EEF2K: variants seen among roughly 807,000 people sequenced by gnomAD.
The protein encoded by EEF2K is eukaryotic elongation factor 2 kinase, also known as alternative protein EEF2K.
A neutral mutation model predicts 93.8 loss-of-function variants in EEF2K; 70 were observed. The observed-to-expected ratio is 0.75, with a 90% CI of 0.62 to 0.91. The LOEUF is 0.91. Among genes scored for constraint, EEF2K ranks in the 40% least tolerant of loss-of-function variants. The pLI, the probability that EEF2K is intolerant of heterozygous loss-of-function variation, is 0.00. For synonymous variants in EEF2K, 376 were observed against 380.8 expected (o/e 0.99, Z 0.15); for missense variants, 935 against 972.9 (o/e 0.96, Z 0.52).
intron 5 of EEF2K, among the ~76,000 whole-genome samples, 158 bp from the exon 6 acceptor site, chr16:22,250,993 G>A (rs529460713): frequency 2.0e-5 from 3 of 152,248 alleles, no homozygotes; most frequent in South Asian, 4.1e-4. Flanking sequence ...TTTGAAGGAT[G>A]CAGAGGGGTG....
chr16:22,268,855 G>T (rs2047550436), intron 15 of EEF2K, among the ~76,000 whole-genome samples: 1 of 151,782 alleles, frequency 6.6e-6, no homozygotes, highest in South Asian at 2.1e-4. Context: ...TACTTGGGAG[G>T]CTGAGGCAGG....
intron 4 of EEF2K, 139 bp from the exon 5 acceptor site, chr16:22,250,515 G>A (rs1264860077): frequency 9.1e-6 from 9 of 988,612 alleles, no homozygotes; most frequent in Middle Eastern, 2.1e-4. Flanking sequence ...ATAGAAGGGA[G>A]ATCCCCAGGG....
chr16:22,214,538 A>G lies in EEF2K; in HGVS notation c.-77+7859A>G, dbSNP rs368637307. ...AATTAGCCAGATGTGGGTGGTATGC[A>G]CCTGTAGTCCCAGGTACAATGGAGG... On this transcript the variant is annotated intron_variant, in intron 1 of 17. Coordinates refer to ENST00000263026, the MANE Select transcript of EEF2K (RefSeq NM_013302.5). 7.9e-5 allele frequency among the ~76,000 whole-genome samples: 12 copies of G among 152,150 alleles called. No homozygotes were observed. In the South Asian group the frequency reaches 1.2e-3, roughly 16 times the overall value.
rs139935693 is a variant in EEF2K at position 22,263,110 on chromosome 16, G to A, written c.1300G>A (p.Glu434Lys). ...CCCTAAGGCCGTCTTCTCTCCACAG[G>A]AGTCTGAGAATAGTGGGGACAGCGG... ...RDHDHLDNHRESENSGDSGYP... is the reference protein window; with the variant it reads ...RDHDHLDNHRKSENSGDSGYP... Residue 434 changes from glutamate to lysine, a missense_variant and splice_region_variant, in exon 12 of 18, where the codon GAG (glutamate) becomes AAG (lysine). Coordinates refer to ENST00000263026, the MANE Select transcript of EEF2K (RefSeq NM_013302.5). 46 of 1,611,588 alleles carry A rather than the reference G, an allele frequency of 2.9e-5. No individual in the cohort carries two copies. The highest frequency in any genetic ancestry group is 2.2e-5 in the South Asian group (2 of 90,760).
intron 4 of EEF2K, among the ~76,000 whole-genome samples, chr16:22,249,171 A>G (rs1004360096): frequency 1.1e-4 from 17 of 151,360 alleles, no homozygotes; most frequent in African/African-American, 1.9e-4. Flanking sequence ...GGGTTCCACT[A>G]TGTTGCCCAG....
chr16:22,237,001 G>A (rs1308414472), intron 2 of EEF2K, among the ~76,000 whole-genome samples: 1 of 125,426 alleles, frequency 8.0e-6, no homozygotes, highest in Non-Finnish European at 1.6e-5. Flanking sequence ...CTGTAGTGCA[G>A]TGGTGCAATC....
intron 2 of EEF2K, among the ~76,000 whole-genome samples, chr16:22,229,916 T>C (rs1357965320): frequency 6.6e-6 from 1 of 152,198 alleles, no homozygotes; most frequent in Non-Finnish European, 1.5e-5. Context: ...TTTAGAAAAT[T>C]AATAATTTTA....
intron 8 of EEF2K, 124 bp from the exon 9 acceptor site, chr16:22,257,519 A>T (rs1481214091): frequency 6.5e-7 from 1 of 1,545,806 alleles, no homozygotes; most frequent in East Asian, 2.3e-5. Flanking sequence ...GGGAGCCTGG[A>T]TGTCTGATGC....
chr16:22,236,240 A>G (rs1412166389), intron 2 of EEF2K, among the ~76,000 whole-genome samples: 1 of 150,814 alleles, frequency 6.6e-6, no homozygotes, highest in Non-Finnish European at 1.5e-5. Flanking sequence ...GTGTTCCCCC[A>G]CTTCTTCCCG....
rs774362191 is a variant in EEF2K, at chr16:22,244,724, G to A, written c.341G>A (p.Arg114Gln). Residue 114 changes from arginine (R) to glutamine (Q), a missense_variant, in exon 3 of 18, where the codon CGA (arginine) becomes CAA (glutamine). By Grantham distance (43) the Arg-to-Gln change is conservative. Transcript: ENST00000263026. ...LEDIATERAT[R>Q]HRYNAVTGEW... is the part of the protein sequence containing the mutation. ...GATATTGCCACCGAACGTGCTACTCGACACAGGTCAGCAGCTTGTGTGGGG... is the reference window on the plus strand; with the variant it reads ...GATATTGCCACCGAACGTGCTACTCAACACAGGTCAGCAGCTTGTGTGGGG... 4.3e-6 allele frequency: 7 copies of A among 1,613,728 alleles called. No individual in the cohort carries two copies. Among genetic ancestry groups the A allele is most frequent in the Non-Finnish European group, 4.2e-6 (5 of 1,179,876 alleles).
chr16:22,212,937 G>T (rs2046928702), intron 1 of EEF2K, among the ~76,000 whole-genome samples: 1 of 151,576 alleles, frequency 6.6e-6, no homozygotes, highest in Non-Finnish European at 1.5e-5. Flanking sequence ...TTATGCCACT[G>T]CACTCCAGCC....
chr16:22,284,094 AT>A lies in EEF2K; in HGVS notation c.*103del. ...CTTATTTAGTTTGGGGAGGGGAAGC[AT>A]TTTTAAGTGTGTTGTAAAATCAAAT... On this transcript the variant is annotated 3_prime_UTR_variant, in exon 18 of 18. Transcript: ENST00000263026. The A allele has an allele frequency of 1.9e-6, 2 of 1,076,120 alleles. No individual in the cohort carries two copies. The highest frequency in any genetic ancestry group is 2.7e-6 in the Non-Finnish European group (2 of 740,654). 66.7% of individuals were successfully genotyped at this position (1,076,120 alleles called of 1,614,324 possible). A position where few individuals can be genotyped will look rare whatever the true frequency, so the allele number is the denominator to read the frequency against.
chr16:22,244,296 TGTG>T (rs1288720886), intron 2 of EEF2K, among the ~76,000 whole-genome samples: 5 of 151,142 alleles, frequency 3.3e-5, no homozygotes, highest in Non-Finnish European at 2.9e-5. Flanking sequence ...TGTGTGTGTG[TGTG>T]TGTGTGTGTG....
At chr16:22,277,047 A>C (rs1412565291) in intron 16 of EEF2K, among the ~76,000 whole-genome samples, 3 of 150,982 alleles carry the variant, frequency 2.0e-5, no homozygotes, top group Non-Finnish European at 4.4e-5. Context: ...CCTGGGCAAC[A>C]AGCATGAAAT....
intron 16 of EEF2K, 24 bp downstream of exon 16, chr16:22,273,774 G>C: frequency 6.2e-7 from 1 of 1,610,486 alleles, no homozygotes; most frequent in Non-Finnish European, 8.5e-7. Context: ...CACCCAGGAG[G>C]AGCTGGTAGG....
At chr16:22,238,249 T>C (rs1281235584) in intron 2 of EEF2K, among the ~76,000 whole-genome samples, 1 of 152,162 alleles carries the variant, frequency 6.6e-6, no homozygotes, top group East Asian at 1.9e-4. Flanking sequence ...ATGGCGCCAC[T>C]GCACTCCAGC....
At chr16:22,215,737 C>T (rs542454191) in intron 1 of EEF2K, among the ~76,000 whole-genome samples, 1 of 152,034 alleles carries the variant, frequency 6.6e-6, no homozygotes, top group African/African-American at 2.4e-5. Flanking sequence ...CTAGCCTGAC[C>T]AACATGGTGA....
At chr16:22,228,056 C>T (rs2047081473) in intron 2 of EEF2K, among the ~76,000 whole-genome samples, 1 of 141,246 alleles carries the variant, frequency 7.1e-6, no homozygotes, top group Admixed American at 7.2e-5. Flanking sequence ...CTCTGTCGCC[C>T]AGGCTGGAGT....
chr16:22,230,394 C>T (rs550045570), intron 2 of EEF2K, among the ~76,000 whole-genome samples: 1 of 152,006 alleles, frequency 6.6e-6, no homozygotes, highest in Non-Finnish European at 1.5e-5. Flanking sequence ...TTGTATTTTT[C>T]GTAGAGATAG....
Sources: allele counts gnomAD v4.1 joint callset (sites outside exome capture counted in the v4.1 genomes callset), GRCh38; gene constraint gnomAD v4.1.1; transcripts MANE v1.5; gene names NCBI Gene and HGNC (gene_info 2026-07-23, HGNC 2026-07-21).